The following GOLGA2 variants were observed in gnomAD, a reference collection of about 807,000 sequenced individuals.
GOLGA2 encodes golgin A2, also known as golgin subfamily A member 2.
GOLGA2 carries 49 observed loss-of-function variants against 148.8 expected under a neutral mutation model. The observed-to-expected ratio is 0.33, with a 90% CI of 0.26 to 0.42. GOLGA2 has a LOEUF of 0.42. Among genes scored for constraint, GOLGA2 ranks in the 10% least tolerant of loss-of-function variants. The probability of loss-of-function intolerance (pLI) is 1.00; values close to 1 mark genes in which losing one functional copy is unlikely to be tolerated. For synonymous variants in GOLGA2, 501 were observed against 511.8 expected (o/e 0.98, Z 0.28); for missense variants, 1,178 against 1,304.6 (o/e 0.90, Z 1.49).
intron 1 of GOLGA2, among the ~76,000 whole-genome samples, chr9:128,274,551 G>A (rs548410977): frequency 3.3e-5 from 5 of 152,146 alleles, no homozygotes; most frequent in East Asian, 1.9e-4. Context: ...ACATTAAGTC[G>A]GCAGGAACTG....
Position 128,259,160 on chromosome 9 carries a change from C to T in GOLGA2, c.2097+7G>A, listed in dbSNP as rs763793851. On this transcript the variant is annotated splice_region_variant and intron_variant, in intron 20 of 26. Transcript: ENST00000611957. Reference sequence around the variant, plus strand: ...CCTCGGGGCCCTGCCCTCACCAACTCCCTCACCTGGGTTTCCTGCAACTCT... The same window carrying T: ...CCTCGGGGCCCTGCCCTCACCAACTTCCTCACCTGGGTTTCCTGCAACTCT... 2 of 1,604,164 alleles carry T rather than the reference C, an allele frequency of 1.2e-6. No homozygotes were observed. The highest frequency in any genetic ancestry group is 3.4e-5 in the Admixed American group (2 of 59,318).
rs1830037901 is a variant in GOLGA2 at position 128,258,417 on chromosome 9, G to A, written c.2289+38C>T. ...AGGGGGTCTGGGAGGGACCACAGAG[G>A]GAGGCAGCAAAGGTTGGGGAGGGGG... On this transcript the variant is annotated intron_variant, in intron 22 of 26. Transcript: ENST00000611957. The surrounding 1 kb of genome is among the most constrained non-coding windows in gnomAD (Gnocchi z 6.6). 6.4e-6 allele frequency: 10 copies of A among 1,553,978 alleles called. No homozygotes were observed. The highest frequency in any genetic ancestry group is 8.9e-6 in the Non-Finnish European group (10 of 1,126,244).
intron 14 of GOLGA2, 98 bp downstream of exon 14, chr9:128,262,465 C>T: frequency 8.2e-7 from 1 of 1,220,782 alleles, no homozygotes. Context: ...CCAAATTTTC[C>T]AGCTCTTGGC....
chr9:128,257,446 G>A lies in GOLGA2; in HGVS notation c.2798C>T (p.Ala933Val), dbSNP rs768718927. ...GGGCTCATCAGCAGGGTTCTGGGCA[G>A]CTGCCAGGAATCTGCCATGCCACTC... The part of the protein sequence containing the change: ...RNEWHGRFLA[A>V]AQNPADEPTS... The change falls in exon 26 of 27, where the codon GCT becomes GTT. Residue 933 changes from alanine (A) to valine (V), a missense_variant. By Grantham distance (64) the Ala-to-Val change is moderately conservative. Around this residue, in one of 5 missense-constraint regions of GOLGA2, gnomAD observed 149 missense variants for 154.9 expected, o/e 0.96. Coordinates refer to ENST00000611957, the MANE Select transcript of GOLGA2 (RefSeq NM_001366244.2). This position sits in a 1 kb window ranked among gnomAD's most constrained non-coding sequence, Gnocchi z 8.0. The A allele has an allele frequency of 3.1e-6, 5 of 1,613,006 alleles. No individual in the cohort carries two copies. Among genetic ancestry groups the A allele is most frequent in the South Asian group, 1.1e-5 (1 of 91,030 alleles).
At position 128,257,540 on chromosome 9, in the gene GOLGA2, G is replaced by A. The variant is rs1291518234; in HGVS notation, c.2719-15C>T. 1 of 1,613,916 alleles carries A rather than the reference G, an allele frequency of 6.2e-7. No individual in the cohort carries two copies. Among genetic ancestry groups the A allele is most frequent in the Non-Finnish European group, 8.5e-7 (1 of 1,180,032 alleles). On this transcript the variant is annotated splice_polypyrimidine_tract_variant and intron_variant, in intron 25 of 26. Coordinates refer to ENST00000611957, the MANE Select transcript of GOLGA2 (RefSeq NM_001366244.2). This position sits in a 1 kb window ranked among gnomAD's most constrained non-coding sequence, Gnocchi z 8.0. ...AGCAGCTTCACCTGGAGGGAGGGGT[G>A]CTAAGCTGCCATGCCCATGCCCGTG...
At chr9:128,273,798 C>T (rs1215964411) in intron 2 of GOLGA2, 52 bp downstream of exon 2, 6 of 1,597,446 alleles carry the variant, frequency 3.8e-6, no homozygotes, top group Non-Finnish European at 5.1e-6. Context: ...CAATTACCCT[C>T]TACTGCCCCT....
At position 128,258,224 on chromosome 9, in the gene GOLGA2, G is replaced by T; in HGVS notation, c.2290-26C>A. Reference sequence around the variant, plus strand: ...CTGCAGGCAAGAGGGGTGCATTCTTGTAGGAGGATATATAGGATGAACAGG... The same window carrying T: ...CTGCAGGCAAGAGGGGTGCATTCTTTTAGGAGGATATATAGGATGAACAGG... On this transcript the variant is annotated intron_variant, in intron 22 of 26. Coordinates refer to ENST00000611957, the MANE Select transcript of GOLGA2 (RefSeq NM_001366244.2). The surrounding 1 kb of genome is among the most constrained non-coding windows in gnomAD (Gnocchi z 6.6). The T allele has an allele frequency of 3.9e-6, 6 of 1,525,044 alleles. No homozygotes were observed. Among genetic ancestry groups the T allele is most frequent in the Non-Finnish European group, 5.3e-6 (6 of 1,122,210 alleles). 94.5% of individuals were successfully genotyped at this position (1,525,044 alleles called of 1,614,324 possible). A position where few individuals can be genotyped will look rare whatever the true frequency, so the allele number is the denominator to read the frequency against.
At position 128,260,566 on chromosome 9, in the gene GOLGA2, C is replaced by T. The variant is rs1471453628; in HGVS notation, c.1657G>A (p.Glu553Lys). The change falls in exon 18 of 27, where the codon GAG becomes AAG. Residue 553 changes from glutamate (E) to lysine (K), a missense_variant. Glu to Lys is a moderately conservative substitution (Grantham distance 56). Around this residue, in one of 5 missense-constraint regions of GOLGA2, gnomAD observed 529 missense variants for 521.8 expected, o/e 1.01. Coordinates refer to ENST00000611957, the MANE Select transcript of GOLGA2 (RefSeq NM_001366244.2). This position sits in a 1 kb window ranked among gnomAD's most constrained non-coding sequence, Gnocchi z 4.8. The stretch of plus-strand genomic sequence containing the variant: ...GTAGTGCGGTCGTTCTGCATGGTCT[C>T]CAGGATTTGCCTGCGCGCCTCCGCC... Reference protein sequence around the residue: ...EQAEARRQILETMQNDRTTIS... With the variant: ...EQAEARRQILKTMQNDRTTIS... The T allele has an allele frequency of 6.2e-7, 1 of 1,612,510 alleles. No homozygotes were observed. The highest frequency in any genetic ancestry group is 1.3e-5 in the African/African-American group (1 of 74,928).
At chr9:128,270,634 G>A (rs1308751691) in intron 3 of GOLGA2, among the ~76,000 whole-genome samples, 1 of 151,960 alleles carries the variant, frequency 6.6e-6, no homozygotes, top group Non-Finnish European at 1.5e-5. Context: ...CTCCGCTCAG[G>A]ATACTACGAT....
At chr9:128,268,555 G>T in intron 3 of GOLGA2, 31 bp from the exon 4 acceptor site, 2 of 1,246,378 alleles carry the variant, frequency 1.6e-6, no homozygotes, top group Non-Finnish European at 2.3e-6. Context: ...GGGTTAGGGG[G>T]CCATGCGGGA....
intron 12 of GOLGA2, among the ~76,000 whole-genome samples, chr9:128,263,869 A>G (rs1830426603): frequency 6.6e-6 from 1 of 150,822 alleles, no homozygotes; most frequent in Admixed American, 6.6e-5. Context: ...AAAACTTGGT[A>G]AGGGTGGCCG....
chr9:128,265,538 T>G (rs1830535392), intron 12 of GOLGA2, 47 bp downstream of exon 12: 1 of 1,360,480 alleles, frequency 7.4e-7, no homozygotes, highest in Non-Finnish European at 1.1e-6. Context: ...CACTCCTCCA[T>G]CTGGGAAGCC....
At chr9:128,275,786 G>A in intron 1 of GOLGA2, 107 bp downstream of exon 1, 1 of 645,766 alleles carries the variant, frequency 1.5e-6, no homozygotes, top group South Asian at 2.1e-5. Flanking sequence ...CGCGCCGTGG[G>A]GAGCCCAGCC....
At position 128,260,275 on chromosome 9, in the gene GOLGA2, C is replaced by T. The variant is rs906909079; in HGVS notation, c.1759-86G>A. The T allele has an allele frequency of 2.7e-5, 33 of 1,243,860 alleles. No individual in the cohort carries two copies. The highest frequency in any genetic ancestry group is 5.1e-4 in the Middle Eastern group (2 of 3,914). 77.1% of individuals were successfully genotyped at this position (1,243,860 alleles called of 1,614,324 possible). ...CCTTGGTGTCTGCCTCCCATGGCAC[C>T]GGGAAGGGTGGAGGCAGGTTAGAAA... is the stretch of plus-strand genomic sequence containing the variant. On this transcript the variant is annotated intron_variant, in intron 18 of 26. Transcript: ENST00000611957. This position sits in a 1 kb window ranked among gnomAD's most constrained non-coding sequence, Gnocchi z 4.8.
At position 128,261,518 on chromosome 9, in the gene GOLGA2, T is replaced by C. The variant is rs1375603405; in HGVS notation, c.1268A>G (p.Tyr423Cys). 6.2e-7 allele frequency: 1 copy of C among 1,611,190 alleles called. No individual in the cohort carries two copies. The highest frequency in any genetic ancestry group is 2.2e-5 in the East Asian group (1 of 44,888). ...VRQLQMERDK[Y>C]AENLKGESAM... ...GCTCTCTCCTTTGAGATTCTCCGCATATTTATCTCTCTCCATTTGTAGTTG... is the reference window on the plus strand; with the variant it reads ...GCTCTCTCCTTTGAGATTCTCCGCACATTTATCTCTCTCCATTTGTAGTTG... Residue 423 changes from tyrosine (Y) to cysteine (C), a missense_variant, in exon 16 of 27, where the codon TAT becomes TGT. Physicochemically the swap from Tyr to Cys is radical, Grantham distance 194 (BLOSUM62 -2). Transcript: ENST00000611957. This position sits in a 1 kb window ranked among gnomAD's most constrained non-coding sequence, Gnocchi z 5.7.
rs1228803132 is a variant in GOLGA2, at chr9:128,273,829, G to T, written c.207+21C>A. 4 of 1,613,284 alleles carry T rather than the reference G, an allele frequency of 2.5e-6. No homozygotes were observed. In the South Asian group the frequency reaches 4.4e-5, roughly 18 times the overall value. ...CCCCTTGGGCCCCCTGTCCCCAGGA[G>T]CCTGGCCATCCAAGACTCACATCCT... is the stretch of plus-strand genomic sequence containing the variant. On this transcript the variant is annotated intron_variant, in intron 2 of 26. Coordinates refer to ENST00000611957, the MANE Select transcript of GOLGA2 (RefSeq NM_001366244.2).
In GOLGA2 at chr9:128,260,249, G is replaced by T; in HGVS notation, c.1759-60C>A. 7.3e-7 allele frequency: 1 copy of T among 1,377,564 alleles called. No homozygotes were observed. Among genetic ancestry groups the T allele is most frequent in the Non-Finnish European group, 1.0e-6 (1 of 976,178 alleles). 85.3% of individuals were successfully genotyped at this position (1,377,564 alleles called of 1,614,324 possible). On this transcript the variant is annotated intron_variant, in intron 18 of 26. Transcript: ENST00000611957. This position sits in a 1 kb window ranked among gnomAD's most constrained non-coding sequence, Gnocchi z 4.8. The stretch of plus-strand genomic sequence containing the variant: ...GCAGCTGGAGACCCCAGAACTTGCT[G>T]CCTTGGTGTCTGCCTCCCATGGCAC...
In GOLGA2 at chr9:128,255,839, T is replaced by C. The variant is rs989520941; in HGVS notation, c.*1228A>G. 11 of 152,392 alleles carry C rather than the reference T, an allele frequency of 7.2e-5. No individual in the cohort carries two copies. The highest frequency in any genetic ancestry group is 2.9e-5 in the Non-Finnish European group (2 of 68,084). The allele number at this position is 152,392 out of a possible 1,614,324, so 9.4% of individuals were successfully genotyped here. On this transcript the variant is annotated 3_prime_UTR_variant, in exon 27 of 27. Transcript: ENST00000611957. The stretch of plus-strand genomic sequence containing the variant: ...CATCAGGCAGAGCAGTATGGCTAAA[T>C]CCATTTATTCCGAAATAAAAAGCAA...
At position 128,259,299 on chromosome 9, in the gene GOLGA2, C is replaced by T; in HGVS notation, c.1965G>A (p.Gln655=). 1.9e-6 allele frequency: 3 copies of T among 1,611,626 alleles called. No homozygotes were observed. Among genetic ancestry groups the T allele is most frequent in the Non-Finnish European group, 1.7e-6 (2 of 1,179,282 alleles). ...GCAGCACCTCCTTCTCAGAGGTCAG[C>T]TGCTGATAGGCGGCCACATACTGCT... ...HLQQYVAAYQ[Q]LTSEKEVLHN... Residue 655 remains glutamine (Q), a synonymous_variant, in exon 20 of 27, where the codon CAG becomes CAA. Transcript: ENST00000611957.
Sources: allele counts gnomAD v4.1 joint callset (sites outside exome capture counted in the v4.1 genomes callset), GRCh38; gene constraint gnomAD v4.1.1; regional missense constraint gnomAD v4.1.1; non-coding constraint Gnocchi (gnomAD v3.1); transcripts MANE v1.5; gene names NCBI Gene and HGNC (gene_info 2026-07-23, HGNC 2026-07-21).